CNBD1: variants seen among roughly 807,000 people sequenced by gnomAD.
The protein encoded by CNBD1 is cyclic nucleotide binding domain containing 1.
In CNBD1, 71 loss-of-function variants were observed where a neutral mutation model predicts 54.4. The observed-to-expected ratio is 1.30, with a 90% CI of 1.08 to 1.59. The LOEUF (loss-of-function observed/expected upper bound fraction) is 1.59. Among genes scored for constraint, CNBD1 ranks in the 40% most tolerant of loss-of-function variants. The probability of loss-of-function intolerance (pLI) is 0.00; values close to 1 mark genes in which losing one functional copy is unlikely to be tolerated. For synonymous variants in CNBD1, 182 were observed against 170.7 expected (o/e 1.07, Z -0.51); for missense variants, 659 against 518.0 (o/e 1.27, Z -2.64).
intron 5 of CNBD1, among the ~76,000 whole-genome samples, chr8:87,209,010 A>C (rs968214816): frequency 3.9e-5 from 6 of 152,096 alleles, no homozygotes; most frequent in African/African-American, 1.4e-4. Flanking sequence ...CTCATGAAAT[A>C]TGTAGTGGGC....
At chr8:87,118,044 G>A (rs113002400) in intron 4 of CNBD1, among the ~76,000 whole-genome samples, 5,520 of 152,070 alleles carry the variant, frequency 0.036, 329 homozygotes, top group African/African-American at 0.12. Flanking sequence ...GGCTGGGCAC[G>A]GTGCCTCACA....
intron 6 of CNBD1, among the ~76,000 whole-genome samples, chr8:87,263,970 TTTATG>T (rs1808195707): frequency 2.0e-5 from 3 of 152,282 alleles, no homozygotes; most frequent in African/African-American, 7.2e-5. Context: ...TCACTGTTAC[TTTATG>T]TTGAGTATTA....
intron 4 of CNBD1, among the ~76,000 whole-genome samples, chr8:87,039,090 G>T (rs1810008542): frequency 6.6e-6 from 1 of 151,636 alleles, no homozygotes; most frequent in Non-Finnish European, 1.5e-5. Flanking sequence ...TCTTTTTTCT[G>T]CTATTAATGT....
chr8:87,329,759 C>T (rs1428012107), intron 8 of CNBD1, among the ~76,000 whole-genome samples: 18 of 151,642 alleles, frequency 1.2e-4, no homozygotes, highest in Non-Finnish European at 2.4e-4. Flanking sequence ...TATCCGCAAC[C>T]CTTATATATT....
chr8:87,346,309 T>C (rs1425089170), intron 8 of CNBD1, among the ~76,000 whole-genome samples: 1 of 152,188 alleles, frequency 6.6e-6, no homozygotes, highest in Non-Finnish European at 1.5e-5. Flanking sequence ...CCCAAAGTGC[T>C]GGTATCACAG....
At chr8:86,972,857 G>T (rs765928503) in intron 4 of CNBD1, among the ~76,000 whole-genome samples, 4 of 152,088 alleles carry the variant, frequency 2.6e-5, no homozygotes, top group African/African-American at 9.7e-5. Context: ...TGCCATAGTA[G>T]TCCCTCTTCT....
intron 8 of CNBD1, among the ~76,000 whole-genome samples, chr8:87,336,280 C>A (rs188401591): frequency 6.6e-6 from 1 of 152,248 alleles, no homozygotes; most frequent in East Asian, 1.9e-4. Context: ...GGATAATATT[C>A]TGAAGTGTGC....
chr8:87,388,954 A>G (rs1182302125), intron 2 of CNBD1, among the ~76,000 whole-genome samples: 2 of 152,204 alleles, frequency 1.3e-5, no homozygotes, highest in Non-Finnish European at 2.9e-5. Context: ...ACATATGCAA[A>G]TCAATAATTG....
intron 10 of CNBD1, among the ~76,000 whole-genome samples, chr8:87,359,566 G>T (rs765322748): frequency 1.3e-5 from 2 of 152,068 alleles, no homozygotes; most frequent in Middle Eastern, 6.8e-3. Context: ...GGTTAATTTT[G>T]CTGAAATAAT....
At chr8:87,337,354 T>C (rs1809966322) in intron 8 of CNBD1, among the ~76,000 whole-genome samples, 1 of 152,106 alleles carries the variant, frequency 6.6e-6, no homozygotes, top group Admixed American at 6.5e-5. Flanking sequence ...TCCAACTAGG[T>C]CCTCAGACCC....
intron 8 of CNBD1, among the ~76,000 whole-genome samples, chr8:87,311,627 C>G (rs528234524): frequency 6.6e-6 from 1 of 152,110 alleles, no homozygotes; most frequent in East Asian, 1.9e-4. Context: ...ATCCTTTTAG[C>G]AAAAGGACAC....
At chr8:86,978,067 CT>C (rs1418327650) in intron 4 of CNBD1, among the ~76,000 whole-genome samples, 1 of 152,022 alleles carries the variant, frequency 6.6e-6, no homozygotes, top group Non-Finnish European at 1.5e-5. Context: ...ATCTGTATGG[CT>C]TATGAATTAC....
intron 4 of CNBD1, among the ~76,000 whole-genome samples, chr8:86,972,383 G>T (rs887668715): frequency 2.0e-5 from 3 of 152,168 alleles, no homozygotes; most frequent in Non-Finnish European, 2.9e-5. Context: ...TTTAAGGGAA[G>T]AAAAATGTAA....
intron 6 of CNBD1, among the ~76,000 whole-genome samples, chr8:87,283,528 T>G (rs1321179020): frequency 6.6e-6 from 1 of 152,114 alleles, no homozygotes; most frequent in African/African-American, 2.4e-5. Flanking sequence ...TGTACCAGGC[T>G]TTTTATTGAT....
At chr8:86,878,117 A>T (rs1808552344) in intron 1 of CNBD1, among the ~76,000 whole-genome samples, 1 of 142,380 alleles carries the variant, frequency 7.0e-6, no homozygotes, top group African/African-American at 2.8e-5. Context: ...AGAGAGAGAG[A>T]GAGAGAGAGA....
At chr8:86,927,422 T>G (rs547367849) in intron 3 of CNBD1, among the ~76,000 whole-genome samples, 73 of 152,126 alleles carry the variant, frequency 4.8e-4, no homozygotes, top group Non-Finnish European at 9.4e-4. Context: ...TGATGATTTT[T>G]GGGGGCCCTG....
intron 4 of CNBD1, among the ~76,000 whole-genome samples, chr8:87,136,418 T>G (rs1188651001): frequency 1.3e-5 from 2 of 148,468 alleles, no homozygotes; most frequent in South Asian, 4.2e-4. Context: ...ATGGGAAATT[T>G]ATAGGCTTAG....
At chr8:87,391,096 TG>T (rs1554586294) in intron 2 of CNBD1, among the ~76,000 whole-genome samples, 2 of 114,354 alleles carry the variant, frequency 1.7e-5, no homozygotes, top group Non-Finnish European at 3.6e-5. Flanking sequence ...TGTTGTGGGG[TG>T]GGGGAAGGGG....
rs539124945 is a variant in CNBD1 at position 87,381,794 on chromosome 8, T to A, written c.1304-826T>A. Among the ~76,000 whole-genome samples the A allele has an allele frequency of 3.1e-3, 473 of 151,948 alleles. 2 individuals are homozygous for A. The highest frequency in any genetic ancestry group is 0.011 in the African/African-American group (447 of 41,514). ...GACCACTCATACGAGGTATCTAAAA[T>A]CGTCAAATTTATAGGATTAAAAAGT... On this transcript the variant is annotated intron_variant, in intron 10 of 10. Transcript: ENST00000518476.
Sources: gnomAD v4.1 joint callset for allele counts (sites outside exome capture counted in the v4.1 genomes callset) on GRCh38, gnomAD v4.1.1 for gene constraint, MANE v1.5 for transcripts, NCBI Gene and HGNC (gene_info 2026-07-23, HGNC 2026-07-21) for gene names.